Variants in NELL1 observed in about 807,000 individuals in gnomAD.
NELL1 encodes the protein protein kinase C-binding protein NELL1.
In NELL1, 76 loss-of-function variants were observed where a neutral mutation model predicts 107.4. The observed-to-expected ratio is 0.71, with a 90% CI of 0.59 to 0.86. The LOEUF (loss-of-function observed/expected upper bound fraction) is 0.86, where lower values mean the gene tolerates loss of function less well. NELL1 is among the 40% of genes least tolerant of loss of function. NELL1 has a pLI of 0.00. For synonymous variants in NELL1, 353 were observed against 341.2 expected (o/e 1.03, Z -0.38); for missense variants, 1,024 against 1,005.5 (o/e 1.02, Z -0.25).
chr11:20,869,845 G>A (rs1045550871), intron 4 of NELL1, among the ~76,000 whole-genome samples: 2 of 152,158 alleles, frequency 1.3e-5, no homozygotes, highest in Admixed American at 6.5e-5. Flanking sequence ...GCCTTATAGC[G>A]TATCTTCCTG....
chr11:21,502,862 AT>A lies in NELL1; in HGVS notation c.1646-31506del, dbSNP rs367884584. ...AGAATAATAATTTCCTATCTTTTTT[AT>A]TTTTTAAAAAATTTTTATTTATGTA... On this transcript the variant is annotated intron_variant, in intron 15 of 19. Transcript: ENST00000357134. Among the ~76,000 whole-genome samples, 22 of 152,146 alleles carry A rather than the reference AT, an allele frequency of 1.4e-4. No homozygotes were observed. In the East Asian group the frequency reaches 2.5e-3, roughly 17 times the overall value.
chr11:20,859,363 A>G (rs1236822452), intron 4 of NELL1, among the ~76,000 whole-genome samples: 1 of 152,178 alleles, frequency 6.6e-6, no homozygotes, highest in African/African-American at 2.4e-5. Context: ...CTTTCCTGGA[A>G]TTTGAAGTAT....
chr11:20,699,915 CT>C (rs1156509235), intron 2 of NELL1, among the ~76,000 whole-genome samples: 1 of 152,062 alleles, frequency 6.6e-6, no homozygotes, highest in Non-Finnish European at 1.5e-5. Flanking sequence ...AAAGTGTTCC[CT>C]TTTTTATCAC....
intron 14 of NELL1, among the ~76,000 whole-genome samples, chr11:21,364,758 T>C (rs1465111852): frequency 6.6e-6 from 1 of 152,166 alleles, no homozygotes; most frequent in Non-Finnish European, 1.5e-5. Flanking sequence ...TGTATGCAGA[T>C]ATGTAGGTGG....
At chr11:20,886,454 A>C (rs1240938061) in intron 5 of NELL1, among the ~76,000 whole-genome samples, 1 of 152,088 alleles carries the variant, frequency 6.6e-6, no homozygotes, top group African/African-American at 2.4e-5. Context: ...AATGCTCGAT[A>C]AAATACCACA....
intron 15 of NELL1, among the ~76,000 whole-genome samples, chr11:21,437,290 A>G (rs1463331627): frequency 6.6e-6 from 1 of 152,026 alleles, no homozygotes; most frequent in Non-Finnish European, 1.5e-5. Flanking sequence ...TTATCTGCAT[A>G]CTCCATTCTT....
At chr11:21,138,062 G>A (rs1296504604) in intron 13 of NELL1, among the ~76,000 whole-genome samples, 1 of 152,132 alleles carries the variant, frequency 6.6e-6, no homozygotes, top group East Asian at 1.9e-4. Flanking sequence ...TGTTTTCTGA[G>A]GGTGGAGAGA....
At chr11:21,114,819 G>A (rs1855192971) in intron 13 of NELL1, among the ~76,000 whole-genome samples, 1 of 151,966 alleles carries the variant, frequency 6.6e-6, no homozygotes, top group Non-Finnish European at 1.5e-5. Context: ...TAGGATTTCA[G>A]TGTTTTAAAG....
At chr11:20,750,801 T>C (rs2133944786) in intron 2 of NELL1, among the ~76,000 whole-genome samples, 1 of 152,266 alleles carries the variant, frequency 6.6e-6, no homozygotes, top group Non-Finnish European at 1.5e-5. Flanking sequence ...TTGCTCAGGC[T>C]GGTCTTTAAC....
At chr11:21,059,041 G>A (rs968205463) in intron 12 of NELL1, among the ~76,000 whole-genome samples, 15 of 152,024 alleles carry the variant, frequency 9.9e-5, no homozygotes, top group African/African-American at 2.9e-4. Context: ...AGTACCATTG[G>A]CCTTTACATT....
chr11:21,313,476 G>A (rs1349694789), intron 14 of NELL1, among the ~76,000 whole-genome samples: 2 of 152,118 alleles, frequency 1.3e-5, no homozygotes, highest in Non-Finnish European at 2.9e-5. Context: ...AGTGACTGAG[G>A]CACAAGCTCC....
chr11:21,134,267 C>G (rs1312410621), intron 13 of NELL1, among the ~76,000 whole-genome samples: 1 of 152,150 alleles, frequency 6.6e-6, no homozygotes, highest in Non-Finnish European at 1.5e-5. Flanking sequence ...CCAAAGAAAG[C>G]TTCTTTGAGT....
chr11:20,898,327 A>T (rs1040905442), intron 5 of NELL1, among the ~76,000 whole-genome samples: 38 of 152,274 alleles, frequency 2.5e-4, no homozygotes, highest in African/African-American at 9.1e-4. Context: ...AGGACAAAAA[A>T]CCAAACACTG....
chr11:21,162,099 A>C (rs116830260), intron 13 of NELL1, among the ~76,000 whole-genome samples: 3,663 of 151,924 alleles, frequency 0.024, 153 homozygotes, highest in African/African-American at 0.082. Flanking sequence ...TATAGGCATG[A>C]GCCACCAGGC....
At chr11:21,494,481 T>C (rs930317492) in intron 15 of NELL1, among the ~76,000 whole-genome samples, 3 of 151,998 alleles carry the variant, frequency 2.0e-5, no homozygotes, top group African/African-American at 4.8e-5. Context: ...TTTTAAAATA[T>C]GTAATTTTAG....
chr11:21,071,984 C>T (rs765882073), intron 12 of NELL1, among the ~76,000 whole-genome samples: 14 of 152,086 alleles, frequency 9.2e-5, no homozygotes, highest in Non-Finnish European at 1.5e-4. Context: ...AATTTGGTAG[C>T]AGAAGCCCAT....
chr11:20,992,295 T>C (rs186414378), intron 12 of NELL1, among the ~76,000 whole-genome samples: 2 of 152,354 alleles, frequency 1.3e-5, no homozygotes, highest in Admixed American at 1.3e-4. Flanking sequence ...TCAAAATGAA[T>C]TCGTTACATA....
chr11:20,706,375 G>A (rs1854954990), intron 2 of NELL1, among the ~76,000 whole-genome samples: 1 of 152,044 alleles, frequency 6.6e-6, no homozygotes, highest in Non-Finnish European at 1.5e-5. Flanking sequence ...GTAGGGACAT[G>A]GATGAAGCTG....
At chr11:21,531,983 A>C (rs554308571) in intron 15 of NELL1, among the ~76,000 whole-genome samples, 1 of 152,298 alleles carries the variant, frequency 6.6e-6, no homozygotes, top group African/African-American at 2.4e-5. Context: ...CACAGTGAAA[A>C]CGTGAGCCCC....
Sources: allele counts gnomAD v4.1 joint callset (sites outside exome capture counted in the v4.1 genomes callset), GRCh38; gene constraint gnomAD v4.1.1; transcripts MANE v1.5; gene names NCBI Gene and HGNC (gene_info 2026-07-23, HGNC 2026-07-21).